Variants in PCDH15 observed in about 807,000 individuals in gnomAD.
PCDH15 encodes the protein protocadherin-15.
In PCDH15, 129 loss-of-function variants were observed where a neutral mutation model predicts 178.5. That is an observed-to-expected ratio of 0.72 (90% CI 0.63 to 0.84). The LOEUF (loss-of-function observed/expected upper bound fraction) is 0.84. Ranked by LOEUF, PCDH15 falls within the 40% of genes least tolerant of loss-of-function variation. The pLI, the probability that PCDH15 is intolerant of heterozygous loss-of-function variation, is 0.00. For missense variants in PCDH15, 2,230 were observed against 2,099.9 expected, an observed-to-expected ratio of 1.06 and a Z score of -1.21; for synonymous variants, 800 against 732.0, an observed-to-expected ratio of 1.09 and a Z score of -1.50.
intron 27 of PCDH15, among the ~76,000 whole-genome samples, chr10:53,863,613 T>C (rs1017928128): frequency 2.0e-5 from 3 of 151,986 alleles, no homozygotes; most frequent in African/African-American, 4.8e-5. Context: ...AAAAGAAGAA[T>C]AGAAAAATGG....
chr10:54,592,313 T>TCCCC (rs2091936704), intron 2 of PCDH15, among the ~76,000 whole-genome samples: 1 of 150,504 alleles, frequency 6.6e-6, no homozygotes, highest in Admixed American at 6.6e-5. Flanking sequence ...CCCTCCCTCC[T>TCCCC]TCCCTTCCTT....
At position 54,498,711 on chromosome 10, in the gene PCDH15, T is replaced by C. The variant is rs528793647; in HGVS notation, c.157+29101A>G. On this transcript the variant is annotated intron_variant, in intron 3 of 37. Transcript: ENST00000644397. ...GATGAAGAAGTACATTACATAATGA[T>C]AAAAGATTCAATTCAGCAAGAAGAC... Among the ~76,000 whole-genome samples the C allele has an allele frequency of 1.3e-3, 202 of 152,236 alleles. 2 individuals are homozygous for C. The highest frequency in any genetic ancestry group is 3.4e-3 in the Middle Eastern group (1 of 294).
At chr10:55,451,041 A>G (rs927623145) in intron 2 of PCDH15, among the ~76,000 whole-genome samples, 5 of 149,220 alleles carry the variant, frequency 3.4e-5, no homozygotes, top group African/African-American at 1.2e-4. Flanking sequence ...GAGAATTGCA[A>G]AGGAGATTTC....
At chr10:54,268,719 C>T (rs1157859421) in intron 8 of PCDH15, among the ~76,000 whole-genome samples, 1 of 151,722 alleles carries the variant, frequency 6.6e-6, no homozygotes, top group Non-Finnish European at 1.5e-5. Flanking sequence ...TAGTGAGTAA[C>T]AAGAGTTAAG....
intron 3 of PCDH15, among the ~76,000 whole-genome samples, chr10:54,497,355 A>G (rs946525147): frequency 6.6e-6 from 1 of 152,122 alleles, no homozygotes; most frequent in African/African-American, 2.4e-5. Context: ...CTGAGAAAGA[A>G]CCAGCACAAG....
intron 2 of PCDH15, among the ~76,000 whole-genome samples, chr10:54,903,518 T>A (rs1285825722): frequency 6.6e-6 from 1 of 151,676 alleles, no homozygotes; most frequent in Non-Finnish European, 1.5e-5. Context: ...AAAAACAAAA[T>A]GAAATCTGAA....
At chr10:54,577,496 T>C (rs986879094) in intron 2 of PCDH15, among the ~76,000 whole-genome samples, 5 of 151,912 alleles carry the variant, frequency 3.3e-5, no homozygotes, top group Non-Finnish European at 7.4e-5. Flanking sequence ...TGTTCTCACA[T>C]TAAGAAATCA....
chr10:54,010,425 C>T (rs2092541715), intron 20 of PCDH15, among the ~76,000 whole-genome samples: 1 of 152,106 alleles, frequency 6.6e-6, no homozygotes, highest in African/African-American at 2.4e-5. Flanking sequence ...TTTGCTGCTC[C>T]ACAGTCCTCA....
chr10:54,436,368 T>C (rs1475235115), intron 3 of PCDH15, among the ~76,000 whole-genome samples: 1 of 151,850 alleles, frequency 6.6e-6, no homozygotes, highest in African/African-American at 2.4e-5. Flanking sequence ...GACCTTAATA[T>C]GCAATGTGTT....
intron 2 of PCDH15, among the ~76,000 whole-genome samples, chr10:55,331,675 C>G (rs1001421304): frequency 6.6e-6 from 1 of 152,066 alleles, no homozygotes; most frequent in Non-Finnish European, 1.5e-5. Flanking sequence ...CAGAAAGAAA[C>G]TGCGGCTGTA....
intron 3 of PCDH15, among the ~76,000 whole-genome samples, chr10:54,426,080 T>G (rs916606373): frequency 6.6e-6 from 1 of 152,182 alleles, no homozygotes; most frequent in South Asian, 2.1e-4. Flanking sequence ...AGCTATCTAA[T>G]GATTTCCTAT....
At chr10:53,935,558 T>C (rs1221890174) in intron 25 of PCDH15, among the ~76,000 whole-genome samples, 3 of 152,278 alleles carry the variant, frequency 2.0e-5, no homozygotes, top group Middle Eastern at 3.4e-3. Context: ...TAAAATGAAT[T>C]TTATGGGAGC....
chr10:55,465,244 T>C (rs1839808032), intron 2 of PCDH15, among the ~76,000 whole-genome samples: 1 of 152,128 alleles, frequency 6.6e-6, no homozygotes, highest in Admixed American at 6.5e-5. Context: ...AGTGGCATTC[T>C]TGAGTCCAAA....
At chr10:54,225,667 A>C (rs2053353126) in intron 9 of PCDH15, among the ~76,000 whole-genome samples, 1 of 152,204 alleles carries the variant, frequency 6.6e-6, no homozygotes, top group African/African-American at 2.4e-5. Flanking sequence ...TAACCCCTAA[A>C]ATAGAATTGA....
intron 2 of PCDH15, among the ~76,000 whole-genome samples, chr10:54,554,937 G>C (rs905789380): frequency 6.6e-6 from 1 of 152,128 alleles, no homozygotes; most frequent in Middle Eastern, 3.2e-3. Context: ...AGTATCAGAG[G>C]AGGAAGCTTC....
intron 32 of PCDH15, among the ~76,000 whole-genome samples, chr10:53,826,367 G>T (rs2076680097): frequency 6.6e-6 from 1 of 151,822 alleles, no homozygotes; most frequent in Non-Finnish European, 1.5e-5. Context: ...TAAGTAACCT[G>T]AACACATTTG....
rs576061439 is a variant in PCDH15 at position 54,311,833 on chromosome 10, T to G, written c.876+5438A>C. Among the ~76,000 whole-genome samples, 456 of 152,218 alleles carry G rather than the reference T, an allele frequency of 3.0e-3. 2 individuals are homozygous for G. Among genetic ancestry groups the G allele is most frequent in the African/African-American group, 0.011 (443 of 41,560 alleles). ...TCAGTGTATTTCTAAACAAGTGACT[T>G]TAAATTTTGATATAAAGCGATTTTT... On this transcript the variant is annotated intron_variant, in intron 8 of 37. Transcript: ENST00000644397.
intron 14 of PCDH15, 25 bp downstream of exon 14, chr10:54,153,075 C>G: frequency 6.2e-7 from 1 of 1,613,138 alleles, no homozygotes; most frequent in South Asian, 1.1e-5. Context: ...GATGAAAAGA[C>G]TGCATTGGTT....
At chr10:55,023,163 A>C (rs1840382121) in intron 2 of PCDH15, among the ~76,000 whole-genome samples, 1 of 151,974 alleles carries the variant, frequency 6.6e-6, no homozygotes, top group South Asian at 2.1e-4. Flanking sequence ...GGATGGTCTC[A>C]ATCTCCTGAC....
Sources: allele counts gnomAD v4.1 joint callset (sites outside exome capture counted in the v4.1 genomes callset), GRCh38; gene constraint gnomAD v4.1.1; transcripts MANE v1.5; gene names NCBI Gene and HGNC (gene_info 2026-07-23, HGNC 2026-07-21).